The following TTLL5 variants were observed in gnomAD, a reference collection of about 807,000 sequenced individuals.
TTLL5 encodes tubulin tyrosine ligase like 5, also known as tubulin polyglutamylase TTLL5.
Under a neutral mutation model 168.4 loss-of-function variants are expected in TTLL5, and 132 were observed. That is an observed-to-expected ratio of 0.78 (90% confidence interval 0.68 to 0.91). The LOEUF (loss-of-function observed/expected upper bound fraction) is 0.91. TTLL5 is among the 40% of genes least tolerant of loss of function. The pLI is 0.00. For missense variants in TTLL5, 1,545 were observed against 1,581.5 expected (o/e 0.98, Z 0.39); for synonymous variants, 546 against 558.6 (o/e 0.98, Z 0.32).
chr14:75,850,178 G>A (rs758621678), intron 28 of TTLL5, among the ~76,000 whole-genome samples: 1 of 151,720 alleles, frequency 6.6e-6, no homozygotes, highest in Non-Finnish European at 1.5e-5. Context: ...AGGCCGAGGC[G>A]GGCGGATCAC....
At chr14:75,706,978 G>A (rs776815214) in intron 7 of TTLL5, 40 bp from the exon 8 acceptor site, 19 of 1,501,180 alleles carry the variant, frequency 1.3e-5, no homozygotes, top group Non-Finnish European at 1.7e-5. Context: ...TAGGATTCCT[G>A]TGTATTTCTA....
intron 30 of TTLL5, among the ~76,000 whole-genome samples, chr14:75,893,271 G>T (rs779637925): frequency 6.6e-6 from 1 of 152,076 alleles, no homozygotes; most frequent in Admixed American, 6.6e-5. Flanking sequence ...TGAGTCCTCA[G>T]CTAAAAAATT....
chr14:75,738,369 A>C (rs1236214630), intron 15 of TTLL5, among the ~76,000 whole-genome samples: 2 of 152,152 alleles, frequency 1.3e-5, no homozygotes, highest in Non-Finnish European at 2.9e-5. Flanking sequence ...CAGTATATTT[A>C]TTTTGGCGTT....
chr14:75,701,938 C>G (rs969268744), intron 7 of TTLL5, among the ~76,000 whole-genome samples: 5 of 152,142 alleles, frequency 3.3e-5, no homozygotes, highest in South Asian at 2.1e-4. Flanking sequence ...TCTGGAAGGG[C>G]AGGGGTAGGT....
chr14:75,717,499 A>C (rs1470420107), intron 9 of TTLL5, among the ~76,000 whole-genome samples: 1 of 152,192 alleles, frequency 6.6e-6, no homozygotes, highest in Non-Finnish European at 1.5e-5. Context: ...CTATATTTTC[A>C]ATTTTCATTC....
At chr14:75,695,742 C>T (rs1482782569) in intron 6 of TTLL5, among the ~76,000 whole-genome samples, 1 of 152,022 alleles carries the variant, frequency 6.6e-6, no homozygotes. Flanking sequence ...TTCTGATAAG[C>T]CTAGTTCACA....
intron 31 of TTLL5, chr14:75,904,197 T>G: frequency 8.8e-7 from 1 of 1,136,096 alleles, no homozygotes; most frequent in Non-Finnish European, 1.1e-6. Context: ...TTCACCTCAC[T>G]CCTCCAAAAA....
chr14:75,768,901 G>T (rs1420039655), intron 20 of TTLL5, among the ~76,000 whole-genome samples: 1 of 152,162 alleles, frequency 6.6e-6, no homozygotes, highest in Non-Finnish European at 1.5e-5. Flanking sequence ...CTGAGCTCTG[G>T]CTGTTTTAGT....
At chr14:75,733,012 C>T (rs1888641373) in intron 13 of TTLL5, among the ~76,000 whole-genome samples, 1 of 152,342 alleles carries the variant, frequency 6.6e-6, no homozygotes, top group East Asian at 1.9e-4. Flanking sequence ...GTTCGCTGTA[C>T]ACTTCTCTAA....
At chr14:75,676,745 G>GA in intron 3 of TTLL5, among the ~76,000 whole-genome samples, 1 of 151,264 alleles carries the variant, frequency 6.6e-6, no homozygotes, top group Non-Finnish European at 1.5e-5. Context: ...AGGAGTAGGA[G>GA]AAATAATATT....
intron 6 of TTLL5, among the ~76,000 whole-genome samples, 199 bp from the exon 7 acceptor site, chr14:75,698,989 C>T (rs1433035647): frequency 6.6e-6 from 1 of 151,506 alleles, no homozygotes; most frequent in Non-Finnish European, 1.5e-5. Context: ...TTTTCTCCTC[C>T]CTCCTTCCCT....
chr14:75,875,261 G>A (rs1176249976), intron 29 of TTLL5, among the ~76,000 whole-genome samples: 6 of 149,310 alleles, frequency 4.0e-5, no homozygotes, highest in African/African-American at 1.2e-4. Flanking sequence ...AATCTATTGT[G>A]GGCTGGGCGT....
At chr14:75,827,798 C>T (rs1895304442) in intron 28 of TTLL5, among the ~76,000 whole-genome samples, 2 of 140,234 alleles carry the variant, frequency 1.4e-5, no homozygotes, top group African/African-American at 2.7e-5. Flanking sequence ...CAGCTCACTG[C>T]AGCCTCTGCC....
At chr14:75,918,998 C>T (rs2033719798) in intron 31 of TTLL5, among the ~76,000 whole-genome samples, 1 of 151,498 alleles carries the variant, frequency 6.6e-6, no homozygotes, top group African/African-American at 2.4e-5. Context: ...GTCAGGAGTT[C>T]GAGACCATCC....
intron 15 of TTLL5, among the ~76,000 whole-genome samples, chr14:75,736,961 G>T (rs894750822): frequency 6.6e-6 from 1 of 152,172 alleles, no homozygotes; most frequent in African/African-American, 2.4e-5. Context: ...ACATTCCTTT[G>T]CAAATTGTTT....
chr14:75,692,125 C>T (rs1885509081), intron 6 of TTLL5, among the ~76,000 whole-genome samples: 1 of 152,162 alleles, frequency 6.6e-6, no homozygotes, highest in South Asian at 2.1e-4. Context: ...CTTCTGTGTG[C>T]CTTAATGTCC....
intron 31 of TTLL5, among the ~76,000 whole-genome samples, chr14:75,952,512 C>T (rs1053298193): frequency 5.3e-5 from 8 of 152,182 alleles, no homozygotes; most frequent in Admixed American, 3.9e-4. Context: ...AATTCCACTT[C>T]CGTATCTATA....
intron 3 of TTLL5, among the ~76,000 whole-genome samples, chr14:75,672,360 C>T (rs1375888242): frequency 6.6e-6 from 1 of 152,188 alleles, no homozygotes; most frequent in Non-Finnish European, 1.5e-5. Flanking sequence ...AATTCTCTGC[C>T]TCAGCCTCCC....
intron 28 of TTLL5, among the ~76,000 whole-genome samples, chr14:75,827,651 A>G (rs1285759242): frequency 6.7e-6 from 1 of 149,930 alleles, no homozygotes; most frequent in African/African-American, 2.5e-5. Flanking sequence ...TATCAAGCTA[A>G]GATTCATATT....
Sources: allele counts gnomAD v4.1 joint callset (sites outside exome capture counted in the v4.1 genomes callset), GRCh38; gene constraint gnomAD v4.1.1; transcripts MANE v1.5; gene names NCBI Gene and HGNC (gene_info 2026-07-23, HGNC 2026-07-21).